Variants in MEGF9 observed in about 807,000 individuals in gnomAD.
The protein encoded by MEGF9 is multiple epidermal growth factor-like domains protein 9.
In MEGF9, 6 loss-of-function variants were observed where a neutral mutation model predicts 46.8. The ratio of observed to expected loss-of-function variants is 0.13; its 90% CI spans 0.07 to 0.25. The LOEUF (loss-of-function observed/expected upper bound fraction) is 0.25, where lower values mean the gene tolerates loss of function less well. Among genes scored for constraint, MEGF9 ranks in the 10% least tolerant of loss-of-function variants. MEGF9 has a pLI of 1.00. For missense variants in MEGF9, 683 were observed against 792.4 expected, an observed-to-expected ratio of 0.86 and a Z score of 1.66; for synonymous variants, 302 against 330.7, an observed-to-expected ratio of 0.91 and a Z score of 0.94.
In MEGF9 at chr9:120,656,999, T is replaced by C. The variant is rs74703557; in HGVS notation, c.803+2375A>G. 6.2e-3 allele frequency among the ~76,000 whole-genome samples: 952 copies of C among 152,342 alleles called. 9 individuals are homozygous for C. The highest frequency in any genetic ancestry group is 0.022 in the African/African-American group (910 of 41,574). On this transcript the variant is annotated intron_variant, in intron 2 of 5. Transcript: ENST00000373930. ...GATTACCTAAAAATACCCACCATGATTGGATATAAACCACCATATAAACCA... is the reference window on the plus strand; with the variant it reads ...GATTACCTAAAAATACCCACCATGACTGGATATAAACCACCATATAAACCA...
intron 1 of MEGF9, among the ~76,000 whole-genome samples, chr9:120,692,151 T>C (rs1048552469): frequency 1.3e-5 from 2 of 152,210 alleles, no homozygotes; most frequent in Admixed American, 6.5e-5. Flanking sequence ...AGATTGTGAA[T>C]GCCTAAGTCA....
chr9:120,712,823 T>C (rs1238675588), intron 1 of MEGF9, among the ~76,000 whole-genome samples: 1 of 152,238 alleles, frequency 6.6e-6, no homozygotes, highest in Non-Finnish European at 1.5e-5. Context: ...CCAAACGTTC[T>C]GACAAAGTAG....
chr9:120,712,926 G>A (rs1485028093), intron 1 of MEGF9, among the ~76,000 whole-genome samples: 1 of 152,192 alleles, frequency 6.6e-6, no homozygotes, highest in Non-Finnish European at 1.5e-5. Context: ...GAAGACTTCA[G>A]CAAGAAAAGC....
chr9:120,682,182 C>T (rs1188974891), intron 1 of MEGF9, among the ~76,000 whole-genome samples: 2 of 152,146 alleles, frequency 1.3e-5, no homozygotes, highest in African/African-American at 4.8e-5. Context: ...TCATCAGAGG[C>T]CTATTAATGA....
At chr9:120,615,304 C>A (rs977482336) in intron 3 of MEGF9, among the ~76,000 whole-genome samples, 1 of 147,526 alleles carries the variant, frequency 6.8e-6, no homozygotes, top group African/African-American at 2.5e-5. Flanking sequence ...TGTGTACACA[C>A]ACACACACAT....
intron 1 of MEGF9, among the ~76,000 whole-genome samples, chr9:120,661,032 A>T (rs544789155): frequency 6.6e-6 from 1 of 152,334 alleles, no homozygotes; most frequent in South Asian, 2.1e-4. Flanking sequence ...TAGAAAAGGA[A>T]ATTAAGCTTC....
At chr9:120,686,919 G>A (rs1180861570) in intron 1 of MEGF9, among the ~76,000 whole-genome samples, 1 of 152,084 alleles carries the variant, frequency 6.6e-6, no homozygotes, top group Non-Finnish European at 1.5e-5. Context: ...GAACAAAAAG[G>A]AAACAGGTGA....
intron 2 of MEGF9, among the ~76,000 whole-genome samples, chr9:120,624,061 A>T (rs1431405547): frequency 6.6e-6 from 1 of 152,210 alleles, no homozygotes; most frequent in African/African-American, 2.4e-5. Context: ...AATGTTCCCA[A>T]AGTAGTTGCT....
intron 5 of MEGF9, among the ~76,000 whole-genome samples, chr9:120,606,106 G>A (rs148212755): frequency 4.7e-4 from 71 of 151,720 alleles, no homozygotes; most frequent in Non-Finnish European, 9.0e-4. Context: ...GGGAGGCAGA[G>A]GTTGCAGTGA....
At position 120,693,275 on chromosome 9, in the gene MEGF9, CAAAAAAAAA is replaced by C. The variant is rs10633158; in HGVS notation, c.601+20474_601+20482del. On this transcript the variant is annotated intron_variant, in intron 1 of 5. Transcript: ENST00000373930. The stretch of plus-strand genomic sequence containing the variant: ...GGATTTGAAATTTTGTCTGGTTAAC[CAAAAAAAAA>C]AAAAAAAAAAGAAGAAGAAGAAGAA... Among the ~76,000 whole-genome samples, 5 of 104,468 alleles carry C rather than the reference CAAAAAAAAA, an allele frequency of 4.8e-5. No individual in the cohort carries two copies. The South Asian group carries it at 1.0e-3, about 21-fold the overall frequency. The allele number at this position is 104,468 out of a possible 152,430, so 68.5% of individuals were successfully genotyped here.
At chr9:120,652,971 ATAGT>A (rs1341344903) in intron 2 of MEGF9, among the ~76,000 whole-genome samples, 1 of 152,244 alleles carries the variant, frequency 6.6e-6, no homozygotes, top group Non-Finnish European at 1.5e-5. Flanking sequence ...TAAAGGTCAC[ATAGT>A]TAGCCAGTGG....
rs914071110 is a variant in MEGF9, at chr9:120,604,896, G to A, written c.*294C>T. The A allele has an allele frequency of 2.7e-5, 9 of 339,120 alleles. No individual in the cohort carries two copies. The highest frequency in any genetic ancestry group is 1.9e-4 in the African/African-American group (9 of 48,320). The allele number at this position is 339,120 out of a possible 1,614,324, so 21.0% of individuals were successfully genotyped here. A position where few individuals can be genotyped will look rare whatever the true frequency, so the allele number is the denominator to read the frequency against. On this transcript the variant is annotated 3_prime_UTR_variant, in exon 6 of 6. Transcript: ENST00000373930. ...ATGCTTCCCCAGGAGTCTATCTGGAGGTCAAAGTGGTTTTGGGCTGCACTA... is the reference window on the plus strand; with the variant it reads ...ATGCTTCCCCAGGAGTCTATCTGGAAGTCAAAGTGGTTTTGGGCTGCACTA...
intron 2 of MEGF9, among the ~76,000 whole-genome samples, chr9:120,639,502 C>T (rs190745122): frequency 0.02 from 2,691 of 135,514 alleles, 97 homozygotes; most frequent in African/African-American, 0.078. Flanking sequence ...AGTGAGACTC[C>T]GTCTTTAAAA....
At chr9:120,675,606 T>C (rs1186642713) in intron 1 of MEGF9, among the ~76,000 whole-genome samples, 3 of 150,952 alleles carry the variant, frequency 2.0e-5, no homozygotes, top group African/African-American at 7.3e-5. Context: ...AAAAAATTAC[T>C]GGCCAGGCGC....
At chr9:120,668,203 C>T (rs1389583105) in intron 1 of MEGF9, among the ~76,000 whole-genome samples, 1 of 152,134 alleles carries the variant, frequency 6.6e-6, no homozygotes, top group Non-Finnish European at 1.5e-5. Flanking sequence ...ATTATCAACA[C>T]AAGAGTTTTT....
chr9:120,646,835 A>C (rs533281533), intron 2 of MEGF9, among the ~76,000 whole-genome samples: 22 of 152,250 alleles, frequency 1.4e-4, no homozygotes, highest in African/African-American at 5.3e-4. Flanking sequence ...TATTTTATTC[A>C]ACAGAAACCA....
intron 1 of MEGF9, among the ~76,000 whole-genome samples, chr9:120,710,218 C>T (rs940343068): frequency 5.3e-5 from 8 of 151,866 alleles, no homozygotes; most frequent in Admixed American, 1.3e-4. Flanking sequence ...CACCTGAGGT[C>T]GGGAATCCGA....
rs527652124 is a variant in MEGF9 at position 120,605,681 on chromosome 9, T to G, written c.1358-40A>C. On this transcript the variant is annotated intron_variant, in intron 5 of 5. Coordinates refer to ENST00000373930, the MANE Select transcript of MEGF9 (RefSeq NM_001080497.3). This position sits in a 1 kb window ranked among gnomAD's most constrained non-coding sequence, Gnocchi z 4.0. The stretch of plus-strand genomic sequence containing the variant: ...AGAGAATGAAATGTAAAAGACAAAA[T>G]TATCTAGTTTTGAGAAACAATAAAA... 1 of 1,400,328 alleles carries G rather than the reference T, an allele frequency of 7.1e-7. No individual in the cohort carries two copies. The highest frequency in any genetic ancestry group is 2.5e-5 in the East Asian group (1 of 40,098). The allele number at this position is 1,400,328 out of a possible 1,614,324, so 86.7% of individuals were successfully genotyped here.
chr9:120,697,460 T>A (rs886549319), intron 1 of MEGF9, among the ~76,000 whole-genome samples: 1 of 152,104 alleles, frequency 6.6e-6, no homozygotes, highest in Admixed American at 6.6e-5. Flanking sequence ...TGCATTAGCA[T>A]CTTGGTCTAG....
Sources: gnomAD v4.1 joint callset for allele counts (sites outside exome capture counted in the v4.1 genomes callset) on GRCh38, gnomAD v4.1.1 for gene constraint, Gnocchi (gnomAD v3.1) non-coding constraint, MANE v1.5 for transcripts, NCBI Gene and HGNC (gene_info 2026-07-23, HGNC 2026-07-21) for gene names.